REEP6: variants seen among roughly 807,000 people sequenced by gnomAD.
REEP6 encodes the protein receptor accessory protein 6, also known as receptor expression-enhancing protein 6.
In REEP6, 19 loss-of-function variants were observed where a neutral mutation model predicts 22.4. The ratio of observed to expected loss-of-function variants is 0.85; its 90% CI spans 0.59 to 1.25. The LOEUF is 1.25. Ranked by LOEUF, REEP6 falls within the 50% of genes most tolerant of loss-of-function variation. REEP6 has a pLI of 0.00. For synonymous variants in REEP6, 121 were observed against 113.6 expected, an observed-to-expected ratio of 1.06 and a Z score of -0.41; for missense variants, 273 against 251.9, an observed-to-expected ratio of 1.08 and a Z score of -0.57.
rs533618747 is a variant in REEP6 at position 1,496,837 on chromosome 19, TGTGA to T, written c.518-331_518-328del. The stretch of plus-strand genomic sequence containing the variant: ...CATGGGCTCAAGTGTATGTTTGGTG[TGTGA>T]GTGAGCAAGGGAGTGAGCATGTTTT... On this transcript the variant is annotated intron_variant, in intron 4 of 4. Coordinates refer to ENST00000233596, the MANE Select transcript of REEP6 (RefSeq NM_138393.4). Among the ~76,000 whole-genome samples, 8 of 152,210 alleles carry T rather than the reference TGTGA, an allele frequency of 5.3e-5. No homozygotes were observed. In the South Asian group the frequency reaches 1.0e-3, roughly 20 times the overall value.
chr19:1,491,719 C>T lies in REEP6; in HGVS notation c.115+335C>T, dbSNP rs2084946634. On this transcript the variant is annotated intron_variant, in intron 1 of 4. Coordinates refer to ENST00000233596, the MANE Select transcript of REEP6 (RefSeq NM_138393.4). This position sits in a 1 kb window ranked among gnomAD's most constrained non-coding sequence, Gnocchi z 5.4. ...GTGTCCTGCGCGTTTCGCCGTCCCC[C>T]TTCCCCCGTGGACCCCGGCCTGGCT... 6.6e-6 allele frequency among the ~76,000 whole-genome samples: 1 copy of T among 152,254 alleles called. No homozygotes were observed. The highest frequency in any genetic ancestry group is 1.5e-5 in the Non-Finnish European group (1 of 68,048).
intron 1 of REEP6, among the ~76,000 whole-genome samples, chr19:1,492,206 C>T (rs1368769192): frequency 2.0e-5 from 3 of 152,122 alleles, no homozygotes; most frequent in East Asian, 1.9e-4. Context: ...CCTCCACCTC[C>T]TGGGTTCAAG....
Position 1,495,562 on chromosome 19 carries a change from C to T in REEP6, c.303C>T (p.Phe101=), listed in dbSNP as rs991568354. 4 of 1,614,098 alleles carry T rather than the reference C, an allele frequency of 2.5e-6. No individual in the cohort carries two copies. Among genetic ancestry groups the T allele is most frequent in the Non-Finnish European group, 3.4e-6 (4 of 1,180,018 alleles). Residue 101 remains phenylalanine (F), a synonymous_variant, in exon 3 of 5, where the codon TTC becomes TTT. Transcript: ENST00000233596. The part of the protein sequence containing the change: ...VYALFGLAEF[F]SDLLLSWFPF... The stretch of plus-strand genomic sequence containing the variant: ...CCCTGTTTGGGCTGGCCGAGTTCTT[C>T]AGCGATCTACTCCTGTCCTGGTTCC...
At chr19:1,492,617 T>C (rs959380917) in intron 1 of REEP6, among the ~76,000 whole-genome samples, 2 of 152,124 alleles carry the variant, frequency 1.3e-5, no homozygotes, top group African/African-American at 4.8e-5. Context: ...CTCTGCCTTC[T>C]CTTCCAGGAA....
chr19:1,497,631 C>T lies in REEP6; in HGVS notation c.*420C>T, dbSNP rs1462693340. Reference sequence around the variant, plus strand: ...CCCGGTCTCACCCATGGTCCAGTCTCCCAGCAGCAGCAACATCCCCACGCA... The same window carrying T: ...CCCGGTCTCACCCATGGTCCAGTCTTCCAGCAGCAGCAACATCCCCACGCA... On this transcript the variant is annotated 3_prime_UTR_variant, in exon 5 of 5. Transcript: ENST00000233596. The surrounding 1 kb of genome is among the most constrained non-coding windows in gnomAD (Gnocchi z 6.5). 2.0e-6 allele frequency: 1 copy of T among 498,490 alleles called. No homozygotes were observed. The highest frequency in any genetic ancestry group is 4.1e-6 in the Non-Finnish European group (1 of 245,334). The allele number at this position is 498,490 out of a possible 1,614,324, so 30.9% of individuals were successfully genotyped here. A position where few individuals can be genotyped will look rare whatever the true frequency, so the allele number is the denominator to read the frequency against.
At position 1,497,144 on chromosome 19, in the gene REEP6, G is replaced by GGCCCA; in HGVS notation, c.518-30_518-29insGCCCA. 3.8e-6 allele frequency: 5 copies of GGCCCA among 1,328,122 alleles called. No individual in the cohort carries two copies. Among genetic ancestry groups the GGCCCA allele is most frequent in the African/African-American group, 1.5e-5 (1 of 66,308 alleles). 82.3% of individuals were successfully genotyped at this position (1,328,122 alleles called of 1,614,324 possible). The stretch of plus-strand genomic sequence containing the variant: ...CCGGGGAGCCCAGGCCTGCCTCACG[G>GGCCCA]CCCTCCCCCACCCGCCCCTCTCTCT... On this transcript the variant is annotated intron_variant, in intron 4 of 4. Coordinates refer to ENST00000233596, the MANE Select transcript of REEP6 (RefSeq NM_138393.4). The surrounding 1 kb of genome is among the most constrained non-coding windows in gnomAD (Gnocchi z 6.5).
intron 1 of REEP6, among the ~76,000 whole-genome samples, chr19:1,493,173 G>A (rs1345714888): frequency 6.6e-6 from 1 of 152,070 alleles, no homozygotes; most frequent in Non-Finnish European, 1.5e-5. Flanking sequence ...TCCTCCCGTC[G>A]CTGAAGCTGC....
In REEP6 at chr19:1,491,185, T is replaced by C; in HGVS notation, c.-85T>C. The C allele has an allele frequency of 1.0e-6, 1 of 986,414 alleles. No homozygotes were observed. Among genetic ancestry groups the C allele is most frequent in the Non-Finnish European group, 1.4e-6 (1 of 717,400 alleles). 61.1% of individuals were successfully genotyped at this position (986,414 alleles called of 1,614,324 possible). ...GGGGCCGGAGCATCGCGGCTCAGGCTGCGGGAAAGCGGTGCGCGTGCAGCG... is the reference window on the plus strand; with the variant it reads ...GGGGCCGGAGCATCGCGGCTCAGGCCGCGGGAAAGCGGTGCGCGTGCAGCG... On this transcript the variant is annotated 5_prime_UTR_variant, in exon 1 of 5. Transcript: ENST00000233596. The surrounding 1 kb of genome is among the most constrained non-coding windows in gnomAD (Gnocchi z 5.4).
intron 1 of REEP6, among the ~76,000 whole-genome samples, chr19:1,494,532 T>C (rs2084990226): frequency 6.6e-6 from 1 of 152,170 alleles, no homozygotes; most frequent in Non-Finnish European, 1.5e-5. Context: ...AACCCTGCGC[T>C]AAGATAACAG....
chr19:1,491,391 C>T lies in REEP6; in HGVS notation c.115+7C>T. 7.0e-7 allele frequency: 1 copy of T among 1,434,982 alleles called. No homozygotes were observed. The highest frequency in any genetic ancestry group is 1.8e-4 in the Middle Eastern group (1 of 5,508). The allele number at this position is 1,434,982 out of a possible 1,614,324, so 88.9% of individuals were successfully genotyped here. A position where few individuals can be genotyped will look rare whatever the true frequency, so the allele number is the denominator to read the frequency against. ...AAGCGGTATCTGGCTGCAGGTGAGC[C>T]GTCGGCGCTAGCCCGTTTCGCCGAC... On this transcript the variant is annotated splice_region_variant and intron_variant, in intron 1 of 4. Transcript: ENST00000233596. The surrounding 1 kb of genome is among the most constrained non-coding windows in gnomAD (Gnocchi z 5.4).
rs1324404385 is a variant in REEP6, at chr19:1,497,462, C to T, written c.*251C>T. On this transcript the variant is annotated 3_prime_UTR_variant, in exon 5 of 5. Transcript: ENST00000233596. The surrounding 1 kb of genome is among the most constrained non-coding windows in gnomAD (Gnocchi z 6.5). ...GCTCTGGCTGTGGCTCCCGCCTGTC[C>T]GGCAGGGCCCAGGGCCAGCGTCGGG... is the stretch of plus-strand genomic sequence containing the variant. The T allele has an allele frequency of 3.3e-5, 23 of 703,042 alleles. No individual in the cohort carries two copies. Among genetic ancestry groups the T allele is most frequent in the Admixed American group, 6.1e-5 (3 of 49,480 alleles). 43.6% of individuals were successfully genotyped at this position (703,042 alleles called of 1,614,324 possible). A position where few individuals can be genotyped will look rare whatever the true frequency, so the allele number is the denominator to read the frequency against.
In REEP6 at chr19:1,491,240, C is replaced by T; in HGVS notation, c.-30C>T. The T allele has an allele frequency of 8.4e-6, 12 of 1,434,124 alleles. No individual in the cohort carries two copies. Among genetic ancestry groups the T allele is most frequent in the Non-Finnish European group, 1.0e-5 (11 of 1,082,632 alleles). The allele number at this position is 1,434,124 out of a possible 1,614,324, so 88.8% of individuals were successfully genotyped here. A position where few individuals can be genotyped will look rare whatever the true frequency, so the allele number is the denominator to read the frequency against. ...GGGTGCCCTGGTCCGCGGGCGAGCT[C>T]GAGCAGCCAACCCCGGGCGCGTCGG... is the stretch of plus-strand genomic sequence containing the variant. On this transcript the variant is annotated 5_prime_UTR_variant, in exon 1 of 5. Coordinates refer to ENST00000233596, the MANE Select transcript of REEP6 (RefSeq NM_138393.4). The surrounding 1 kb of genome is among the most constrained non-coding windows in gnomAD (Gnocchi z 5.4).
At position 1,497,629 on chromosome 19, in the gene REEP6, C is replaced by T. The variant is rs2085021006; in HGVS notation, c.*418C>T. ...AGCCCGGTCTCACCCATGGTCCAGT[C>T]TCCCAGCAGCAGCAACATCCCCACG... On this transcript the variant is annotated 3_prime_UTR_variant, in exon 5 of 5. Transcript: ENST00000233596. The surrounding 1 kb of genome is among the most constrained non-coding windows in gnomAD (Gnocchi z 6.5). 2 of 499,304 alleles carry T rather than the reference C, an allele frequency of 4.0e-6. No homozygotes were observed. The highest frequency in any genetic ancestry group is 8.1e-6 in the Non-Finnish European group (2 of 245,876). 30.9% of individuals were successfully genotyped at this position (499,304 alleles called of 1,614,324 possible).
At chr19:1,496,551 C>A in intron 4 of REEP6, 98 bp downstream of exon 4, 1 of 1,365,840 alleles carries the variant, frequency 7.3e-7, no homozygotes, top group African/African-American at 1.5e-5. Context: ...GCCGCCCCCT[C>A]TCACTGTCCG....
intron 3 of REEP6, chr19:1,495,947 A>G: frequency 1.9e-6 from 1 of 531,176 alleles, no homozygotes; most frequent in Non-Finnish European, 3.4e-6. Flanking sequence ...TGGAGGGCTC[A>G]CTTAAAGGGT....
chr19:1,495,662 TG>T, intron 3 of REEP6, 55 bp downstream of exon 3: 1 of 1,607,730 alleles, frequency 6.2e-7, no homozygotes, highest in Non-Finnish European at 8.5e-7. Context: ...TGGGGATTCC[TG>T]GGAGGCGCTG....
intron 4 of REEP6, chr19:1,496,786 T>G: frequency 1.7e-6 from 1 of 598,594 alleles, no homozygotes; most frequent in Non-Finnish European, 3.1e-6. Context: ...TGTGCATGTT[T>G]TGTCATGTGC....
In REEP6 at chr19:1,497,620, T is replaced by C; in HGVS notation, c.*409T>C. The C allele has an allele frequency of 4.0e-6, 2 of 503,058 alleles. No homozygotes were observed. The highest frequency in any genetic ancestry group is 8.1e-6 in the Non-Finnish European group (2 of 248,418). 31.2% of individuals were successfully genotyped at this position (503,058 alleles called of 1,614,324 possible). On this transcript the variant is annotated 3_prime_UTR_variant, in exon 5 of 5. Transcript: ENST00000233596. This position sits in a 1 kb window ranked among gnomAD's most constrained non-coding sequence, Gnocchi z 6.5. The stretch of plus-strand genomic sequence containing the variant: ...GTCACCTCCAGCCCGGTCTCACCCA[T>C]GGTCCAGTCTCCCAGCAGCAGCAAC...
At chr19:1,494,969 C>T (rs2084993352) in intron 1 of REEP6, among the ~76,000 whole-genome samples, 1 of 152,218 alleles carries the variant, frequency 6.6e-6, no homozygotes, top group African/African-American at 2.4e-5. Flanking sequence ...CAGGTGTGAG[C>T]CACCGCGCCC....
Sources: allele counts gnomAD v4.1 joint callset (sites outside exome capture counted in the v4.1 genomes callset), GRCh38; gene constraint gnomAD v4.1.1; non-coding constraint Gnocchi (gnomAD v3.1); transcripts MANE v1.5; gene names NCBI Gene and HGNC (gene_info 2026-07-23, HGNC 2026-07-21).